ENDOV: variants seen among roughly 807,000 people sequenced by gnomAD.
ENDOV encodes the protein endonuclease V.
A neutral mutation model predicts 39.4 loss-of-function variants in ENDOV; 37 were observed. That is an observed-to-expected ratio of 0.94 (90% CI 0.72 to 1.23). The LOEUF is 1.23. Among genes scored for constraint, ENDOV ranks in the 50% most tolerant of loss-of-function variants. ENDOV has a pLI of 0.00. For synonymous variants in ENDOV, 186 were observed against 163.4 expected (o/e 1.14, Z -1.05); for missense variants, 441 against 375.7 (o/e 1.17, Z -1.44).
At chr17:80,429,705 TG>T in intron 8 of ENDOV, 67 bp from the exon 9 acceptor site, 2 of 1,464,780 alleles carry the variant, frequency 1.4e-6, no homozygotes, top group Admixed American at 2.0e-5. Context: ...AGACCCCATC[TG>T]GGGTGTGAGG....
chr17:80,431,461 G>A (rs537548168), intron 9 of ENDOV, among the ~76,000 whole-genome samples: 11 of 152,194 alleles, frequency 7.2e-5, no homozygotes, highest in African/African-American at 1.9e-4. Flanking sequence ...TGGGGGGAGC[G>A]GATGCCGAGG....
chr17:80,415,486 C>T, intron 1 of ENDOV, 164 bp from the exon 2 acceptor site: 1 of 1,086,626 alleles, frequency 9.2e-7, no homozygotes. Flanking sequence ...CGGGTCTCCG[C>T]CGCCTGGGCT....
At chr17:80,422,940 C>G (rs189579005) in intron 4 of ENDOV, among the ~76,000 whole-genome samples, 1 of 152,130 alleles carries the variant, frequency 6.6e-6, no homozygotes, top group African/African-American at 2.4e-5. Flanking sequence ...ACCTCGTGAT[C>G]CGCCTGCCTC....
At chr17:80,427,146 G>GC (rs1432068553) in intron 7 of ENDOV, among the ~76,000 whole-genome samples, 1 of 152,258 alleles carries the variant, frequency 6.6e-6, no homozygotes, top group Non-Finnish European at 1.5e-5. Flanking sequence ...CCACAGCCTT[G>GC]CAGGGCTTTG....
At chr17:80,420,099 TTGTG>T (rs1877919543) in intron 2 of ENDOV, 1 of 210,898 alleles carries the variant, frequency 4.7e-6, no homozygotes, top group Admixed American at 5.3e-5. Context: ...CATGCGCTCT[TTGTG>T]TGCGTGTGTA....
intron 2 of ENDOV, 52 bp from the exon 3 acceptor site, chr17:80,421,776 G>A: frequency 6.4e-7 from 1 of 1,556,338 alleles, no homozygotes; most frequent in Non-Finnish European, 8.7e-7. Flanking sequence ...ACTGGGGATG[G>A]AGCAGGTGGC....
intron 5 of ENDOV, chr17:80,424,194 A>G (rs777720705): frequency 1.8e-5 from 7 of 399,258 alleles, no homozygotes; most frequent in Non-Finnish European, 3.1e-5. Flanking sequence ...ACTGGATGGC[A>G]GATTCTGAGA....
intron 4 of ENDOV, among the ~76,000 whole-genome samples, chr17:80,422,498 C>G (rs1203617327): frequency 2.0e-5 from 3 of 152,258 alleles, no homozygotes; most frequent in South Asian, 4.1e-4. Flanking sequence ...CTACAGTGCC[C>G]TGTGCTGGCT....
At chr17:80,426,719 A>G (rs1387614359) in intron 7 of ENDOV, among the ~76,000 whole-genome samples, 1 of 152,218 alleles carries the variant, frequency 6.6e-6, no homozygotes, top group Non-Finnish European at 1.5e-5. Flanking sequence ...TGAAGTACAG[A>G]GTGGGTGGGA....
chr17:80,416,454 T>C (rs1409193697), intron 2 of ENDOV, among the ~76,000 whole-genome samples: 1 of 152,026 alleles, frequency 6.6e-6, no homozygotes, highest in Non-Finnish European at 1.5e-5. Flanking sequence ...TCCTCTCGCG[T>C]CCAGTTGCAC....
intron 9 of ENDOV, among the ~76,000 whole-genome samples, chr17:80,433,794 C>T (rs1163440579): frequency 6.6e-6 from 1 of 152,178 alleles, no homozygotes; most frequent in Admixed American, 6.5e-5. Context: ...GTGGGCCTCC[C>T]CAGCTGAGGG....
chr17:80,423,585 C>A lies in ENDOV; in HGVS notation c.469C>A (p.Leu157Ile). The change falls in exon 5 of 10, where the codon CTT becomes ATT. Residue 157 changes from leucine (L) to isoleucine (I), a missense_variant. Coordinates refer to ENST00000518137, the MANE Select transcript of ENDOV (RefSeq NM_173627.5). ...GCCGTGTGTTGGGGTGGCCAAGAAA[C>A]TTCTGCAGGTGGATGGGCTGGAGAA... The part of the protein sequence containing the change: ...DLPCVGVAKK[L>I]LQVDGLENNA... 1 of 1,546,410 alleles carries A rather than the reference C, an allele frequency of 6.5e-7. No homozygotes were observed. Among genetic ancestry groups the A allele is most frequent in the Non-Finnish European group, 8.7e-7 (1 of 1,144,148 alleles).
At position 80,421,894 on chromosome 17, in the gene ENDOV, C is replaced by T. The variant is rs35171431; in HGVS notation, c.295C>T (p.Arg99Ter). 6.4e-4 allele frequency: 1,036 copies of T among 1,609,880 alleles called. 12 individuals are homozygous for T. The East Asian group carries it at 0.018, about 28-fold the overall frequency. Residue 99 changes from arginine (R) to a stop codon, truncating the protein, a stop_gained, in exon 3 of 10, where the codon CGA (arginine) becomes TGA (stop). Transcript: ENST00000518137. LOFTEE classifies it high-confidence loss of function. ...CTACGTGTCGGGCTTCCTGGCCTTC[C>T]GAGAGGTGCCCTTCTTGCTGGAGCT... Reference protein sequence around the residue: ...APYVSGFLAFREVPFLLELVQ... With the variant: ...APYVSGFLAF
chr17:80,419,130 G>A (rs188936619), intron 2 of ENDOV, among the ~76,000 whole-genome samples: 9 of 146,420 alleles, frequency 6.1e-5, no homozygotes, highest in South Asian at 2.1e-4. Flanking sequence ...CCGAGATCGC[G>A]TCAGTGCACT....
intron 2 of ENDOV, chr17:80,417,628 C>T (rs1020422833): frequency 6.6e-6 from 1 of 152,202 alleles, no homozygotes; most frequent in East Asian, 1.9e-4. Flanking sequence ...GAGGCCCCAC[C>T]TCGTAATACC....
chr17:80,424,965 G>C, intron 5 of ENDOV, 67 bp from the exon 6 acceptor site: 1 of 1,373,524 alleles, frequency 7.3e-7, no homozygotes. Flanking sequence ...AAAAAATAGA[G>C]ACTTGCCTTC....
intron 1 of ENDOV, 126 bp downstream of exon 1, chr17:80,415,376 GC>G: frequency 1.6e-6 from 2 of 1,243,212 alleles, no homozygotes; most frequent in Non-Finnish European, 1.1e-6. Flanking sequence ...CCAAAGCAAA[GC>G]CCAGTTTCCG....
intron 8 of ENDOV, 93 bp from the exon 9 acceptor site, chr17:80,429,680 C>T (rs1440541271): frequency 1.6e-6 from 2 of 1,261,330 alleles, no homozygotes; most frequent in African/African-American, 3.0e-5. Flanking sequence ...AGTGTCCAGG[C>T]CAAGCGCAGT....
At chr17:80,431,599 G>C (rs559409692) in intron 9 of ENDOV, among the ~76,000 whole-genome samples, 76 of 152,328 alleles carry the variant, frequency 5.0e-4, no homozygotes, top group African/African-American at 1.8e-3. Context: ...GGGGCGAGAG[G>C]GAGCCCCAGT....
Sources: gnomAD v4.1 joint callset for allele counts (sites outside exome capture counted in the v4.1 genomes callset) on GRCh38, gnomAD v4.1.1 for gene constraint, MANE v1.5 for transcripts, NCBI Gene and HGNC (gene_info 2026-07-23, HGNC 2026-07-21) for gene names.